Variants in KLHL29 observed in about 807,000 individuals in gnomAD.
The protein encoded by KLHL29 is kelch like family member 29, also known as kelch-like protein 29.
In KLHL29, 21 loss-of-function variants were observed where a neutral mutation model predicts 80.4. That is an observed-to-expected ratio of 0.26 (90% CI 0.19 to 0.38). The LOEUF is 0.38. Among genes scored for constraint, KLHL29 ranks in the 10% least tolerant of loss-of-function variants. The pLI is 1.00. For synonymous variants in KLHL29, 511 were observed against 526.8 expected, an observed-to-expected ratio of 0.97 and a Z score of 0.41; for missense variants, 867 against 1,223.9, an observed-to-expected ratio of 0.71 and a Z score of 4.35.
chr2:23,540,599 A>G (rs567049274), intron 2 of KLHL29, among the ~76,000 whole-genome samples: 1 of 152,224 alleles, frequency 6.6e-6, no homozygotes, highest in Non-Finnish European at 1.5e-5. Flanking sequence ...GTACACTGGA[A>G]CATAGAACTC....
At chr2:23,584,181 C>T (rs1668059662) in intron 3 of KLHL29, among the ~76,000 whole-genome samples, 1 of 152,232 alleles carries the variant, frequency 6.6e-6, no homozygotes, top group South Asian at 2.1e-4. Context: ...CAGGTCTGTG[C>T]CGTGTTTTTC....
At chr2:23,573,265 C>T (rs1667762784) in intron 3 of KLHL29, among the ~76,000 whole-genome samples, 1 of 152,198 alleles carries the variant, frequency 6.6e-6, no homozygotes, top group Non-Finnish European at 1.5e-5. Flanking sequence ...TTCTCTGCAG[C>T]TTTTTGCATT....
chr2:23,424,759 G>A (rs1177557852), intron 1 of KLHL29, among the ~76,000 whole-genome samples: 2 of 152,176 alleles, frequency 1.3e-5, no homozygotes, highest in East Asian at 3.8e-4. Flanking sequence ...CCAGCAATGT[G>A]TTATTTGGAA....
intron 1 of KLHL29, among the ~76,000 whole-genome samples, chr2:23,459,182 A>C (rs1445031267): frequency 6.6e-6 from 1 of 152,162 alleles, no homozygotes; most frequent in East Asian, 1.9e-4. Flanking sequence ...GGTGTGCTCT[A>C]TTCTGAGACA....
chr2:23,571,603 C>G (rs984232858), intron 3 of KLHL29, among the ~76,000 whole-genome samples: 3 of 152,194 alleles, frequency 2.0e-5, no homozygotes, highest in Admixed American at 6.5e-5. Context: ...GTAATCCTGC[C>G]TGGGGCTTCT....
intron 3 of KLHL29, among the ~76,000 whole-genome samples, chr2:23,582,966 A>C (rs1399938763): frequency 6.6e-6 from 1 of 152,186 alleles, no homozygotes; most frequent in Non-Finnish European, 1.5e-5. Flanking sequence ...TCCAATGACG[A>C]GTGTTTTTAC....
chr2:23,394,724 A>C (rs1666406933), intron 1 of KLHL29, among the ~76,000 whole-genome samples: 2 of 152,256 alleles, frequency 1.3e-5, no homozygotes, highest in Admixed American at 6.5e-5. Context: ...ATTTTCTTTT[A>C]AAGTGTGAAA....
rs1308050299 is a variant in KLHL29 at position 23,441,474 on chromosome 2, TATA to T, written c.-153-34081_-153-34079del. Among the ~76,000 whole-genome samples the T allele has an allele frequency of 2.0e-4, 30 of 150,826 alleles. 1 individual carries two copies. The highest frequency in any genetic ancestry group is 2.0e-3 in the Admixed American group (30 of 15,154). ...TGCACATGTACCCTAAAACTTAAAGTATAATAAGAATAATAATAATAATTAATA... is the reference window on the plus strand; with the variant it reads ...TGCACATGTACCCTAAAACTTAAAGTATAAGAATAATAATAATAATTAATA... On this transcript the variant is annotated intron_variant, in intron 1 of 13. Transcript: ENST00000486442.
intron 1 of KLHL29, among the ~76,000 whole-genome samples, chr2:23,441,734 C>T (rs1442352937): frequency 1.3e-5 from 2 of 152,124 alleles, no homozygotes; most frequent in Non-Finnish European, 2.9e-5. Context: ...TGCTGTTGAC[C>T]ACAGCTTCAG....
chr2:23,450,571 T>TA (rs1161734876), intron 1 of KLHL29, among the ~76,000 whole-genome samples: 8 of 150,834 alleles, frequency 5.3e-5, no homozygotes, highest in Admixed American at 1.3e-4. Context: ...ATTGAAAGAC[T>TA]AAAAAAAAAT....
At chr2:23,515,395 G>A (rs1665890642) in intron 2 of KLHL29, among the ~76,000 whole-genome samples, 1 of 152,150 alleles carries the variant, frequency 6.6e-6, no homozygotes, top group African/African-American at 2.4e-5. Flanking sequence ...ATGTTTCTCT[G>A]CCCAGAATAT....
At chr2:23,579,110 T>C (rs553761248) in intron 3 of KLHL29, among the ~76,000 whole-genome samples, 5 of 152,360 alleles carry the variant, frequency 3.3e-5, no homozygotes, top group South Asian at 4.1e-4. Flanking sequence ...CTTTTGTTTT[T>C]TAAGCCATTT....
intron 5 of KLHL29, among the ~76,000 whole-genome samples, chr2:23,671,367 C>T (rs1430998026): frequency 6.6e-6 from 1 of 152,028 alleles, no homozygotes; most frequent in Admixed American, 6.5e-5. Context: ...CTGAGCCGGC[C>T]CGTCACCTGC....
At chr2:23,421,802 G>A (rs1331708496) in intron 1 of KLHL29, among the ~76,000 whole-genome samples, 2 of 151,532 alleles carry the variant, frequency 1.3e-5, no homozygotes, top group Non-Finnish European at 2.9e-5. Context: ...CTGTGTGTGT[G>A]TCCATTTGTC....
intron 3 of KLHL29, among the ~76,000 whole-genome samples, chr2:23,563,069 G>A (rs1446898317): frequency 2.6e-5 from 4 of 152,220 alleles, no homozygotes; most frequent in African/African-American, 9.7e-5. Context: ...CTGGTCCAAG[G>A]CTGTGGGACC....
At chr2:23,538,163 G>C (rs542594791) in intron 2 of KLHL29, among the ~76,000 whole-genome samples, 1 of 152,126 alleles carries the variant, frequency 6.6e-6, no homozygotes, top group Non-Finnish European at 1.5e-5. Context: ...ATGGATCTCG[G>C]GTTTCTCTTG....
intron 1 of KLHL29, among the ~76,000 whole-genome samples, chr2:23,389,119 G>C (rs892251950): frequency 2.6e-5 from 4 of 151,366 alleles, no homozygotes; most frequent in Non-Finnish European, 4.4e-5. Flanking sequence ...GTCTTTTCTA[G>C]TAGTGGTCAA....
At chr2:23,517,116 G>A (rs1419970719) in intron 2 of KLHL29, among the ~76,000 whole-genome samples, 1 of 152,236 alleles carries the variant, frequency 6.6e-6, no homozygotes, top group Non-Finnish European at 1.5e-5. Context: ...CTGTCTCCCT[G>A]TGCCCGCTGT....
intron 1 of KLHL29, among the ~76,000 whole-genome samples, chr2:23,400,034 G>A (rs1474456560): frequency 6.6e-6 from 1 of 152,224 alleles, no homozygotes; most frequent in East Asian, 1.9e-4. Context: ...CCACTGGGGA[G>A]TGTCCCGGCA....
Sources: allele counts gnomAD v4.1 joint callset (sites outside exome capture counted in the v4.1 genomes callset), GRCh38; gene constraint gnomAD v4.1.1; transcripts MANE v1.5; gene names NCBI Gene and HGNC (gene_info 2026-07-23, HGNC 2026-07-21).